BLM: variants seen among roughly 807,000 people sequenced by gnomAD.
BLM encodes the protein BLM RecQ like helicase, also known as recQ-like DNA helicase BLM.
BLM carries 95 observed loss-of-function variants against 135.3 expected under a neutral mutation model. That is an observed-to-expected ratio of 0.70 (90% CI 0.59 to 0.83). The LOEUF is 0.83. Among genes scored for constraint, BLM ranks in the 40% least tolerant of loss-of-function variants. BLM has a pLI of 0.00. For synonymous variants in BLM, 520 were observed against 589.2 expected, an observed-to-expected ratio of 0.88 and a Z score of 1.70; for missense variants, 1,518 against 1,663.9, an observed-to-expected ratio of 0.91 and a Z score of 1.53.
intron 3 of BLM, 89 bp from the exon 4 acceptor site, chr15:90,751,698 A>G (rs1258389704): frequency 1.8e-6 from 2 of 1,128,784 alleles, no homozygotes; most frequent in Middle Eastern, 2.1e-4. Context: ...GTGACTTGCC[A>G]GAAGCACTCA....
rs1895145269 is a variant in BLM at position 90,734,340 on chromosome 15, T to C, written c.-4-13049T>C. 2.6e-5 allele frequency among the ~76,000 whole-genome samples: 4 copies of C among 151,876 alleles called. No homozygotes were observed. The South Asian group carries it at 8.3e-4, about 32-fold the overall frequency. ...TCTCACCCTGTCGCCCAGGCTGAAG[T>C]ACAGTAGCATGACCTCAGCTCACTG... On this transcript the variant is annotated intron_variant, in intron 1 of 21. Coordinates refer to ENST00000355112, the MANE Select transcript of BLM (RefSeq NM_000057.4).
intron 16 of BLM, among the ~76,000 whole-genome samples, chr15:90,794,970 C>T (rs1370287661): frequency 6.6e-6 from 1 of 151,922 alleles, no homozygotes; most frequent in Admixed American, 6.6e-5. Flanking sequence ...TTGTTAAATT[C>T]AGTCATTAGG....
intron 14 of BLM, among the ~76,000 whole-genome samples, chr15:90,788,444 T>C (rs1382786631): frequency 6.6e-6 from 1 of 150,898 alleles, no homozygotes; most frequent in Non-Finnish European, 1.5e-5. Context: ...AATTAGTTTA[T>C]ATATTTAACC....
intron 15 of BLM, chr15:90,793,854 C>G (rs1475697197): frequency 5.5e-6 from 1 of 181,842 alleles, no homozygotes; most frequent in Non-Finnish European, 1.1e-5. Flanking sequence ...ATCTCAGGCT[C>G]TGCTTCCTCA....
chr15:90,748,259 C>T (rs1303895585), intron 2 of BLM, among the ~76,000 whole-genome samples: 1 of 151,970 alleles, frequency 6.6e-6, no homozygotes, highest in Non-Finnish European at 1.5e-5. Context: ...CAGGCATGCA[C>T]CACCATGCCT....
chr15:90,755,517 T>A (rs1895794537), intron 5 of BLM, among the ~76,000 whole-genome samples: 1 of 152,200 alleles, frequency 6.6e-6, no homozygotes, highest in African/African-American at 2.4e-5. Flanking sequence ...ATATCTAGTG[T>A]AAATAATCAG....
intron 20 of BLM, 75 bp from the exon 21 acceptor site, chr15:90,811,128 CGT>C: frequency 4.7e-6 from 7 of 1,483,084 alleles, no homozygotes; most frequent in Middle Eastern, 2.4e-4. Context: ...GCCCCTGCAG[CGT>C]GTCTCTTCAT....
chr15:90,730,883 T>C (rs1261962168), intron 1 of BLM, among the ~76,000 whole-genome samples: 4 of 152,190 alleles, frequency 2.6e-5, no homozygotes. Context: ...GATTTTTAAA[T>C]GTTGAACCAC....
At chr15:90,783,729 A>G (rs1449719747) in intron 13 of BLM, among the ~76,000 whole-genome samples, 1 of 152,170 alleles carries the variant, frequency 6.6e-6, no homozygotes, top group Non-Finnish European at 1.5e-5. Flanking sequence ...GTGAAACCCC[A>G]TCTCTACAAA....
intron 1 of BLM, among the ~76,000 whole-genome samples, chr15:90,742,996 G>A (rs1268336476): frequency 7.2e-6 from 1 of 138,324 alleles, no homozygotes; most frequent in African/African-American, 2.9e-5. Flanking sequence ...CATTTCCTGT[G>A]ACTTTTTTTT....
chr15:90,815,490 G>A lies in BLM; in HGVS notation c.*211G>A, dbSNP rs1897539410. On this transcript the variant is annotated 3_prime_UTR_variant, in exon 22 of 22. Transcript: ENST00000355112. This position sits in a 1 kb window ranked among gnomAD's most constrained non-coding sequence, Gnocchi z 4.6. ...TTTTGCTGCCGCTGCAAGTGTTGTGGCCGTTGTTTCTCAGAACGTCTGAGG... is the reference window on the plus strand; with the variant it reads ...TTTTGCTGCCGCTGCAAGTGTTGTGACCGTTGTTTCTCAGAACGTCTGAGG... 2 of 597,742 alleles carry A rather than the reference G, an allele frequency of 3.3e-6. No individual in the cohort carries two copies. The highest frequency in any genetic ancestry group is 5.7e-6 in the Non-Finnish European group (2 of 353,220). The allele number at this position is 597,742 out of a possible 1,614,324, so 37.0% of individuals were successfully genotyped here. A position where few individuals can be genotyped will look rare whatever the true frequency, so the allele number is the denominator to read the frequency against.
intron 2 of BLM, chr15:90,747,781 T>G: frequency 2.9e-6 from 1 of 350,498 alleles, no homozygotes; most frequent in South Asian, 3.1e-5. Flanking sequence ...TTTTAAGTTT[T>G]GGGGGGTTTT....
intron 1 of BLM, among the ~76,000 whole-genome samples, chr15:90,722,118 CTT>C (rs963058132): frequency 6.6e-6 from 1 of 150,530 alleles, no homozygotes; most frequent in Non-Finnish European, 1.5e-5. Flanking sequence ...AACCCCATCT[CTT>C]TTTTTTTGAG....
chr15:90,768,921 T>TA (rs1896215217), intron 10 of BLM, among the ~76,000 whole-genome samples: 1 of 152,202 alleles, frequency 6.6e-6, no homozygotes, highest in Non-Finnish European at 1.5e-5. Flanking sequence ...AGGTGGGGTT[T>TA]CACCATGTTG....
chr15:90,770,166 A>ACCC (rs1896266716), intron 12 of BLM, among the ~76,000 whole-genome samples: 1 of 135,818 alleles, frequency 7.4e-6, no homozygotes, highest in African/African-American at 3.1e-5. Context: ...TATAAAAGAA[A>ACCC]TCCCCCCCCC....
At position 90,815,405 on chromosome 15, in the gene BLM, A is replaced by G; in HGVS notation, c.*126A>G. ...TACTCGTCTCTATTAATATTTAAAT[A>G]AATGCTGGGGGGTGATAGTTCTTCT... On this transcript the variant is annotated 3_prime_UTR_variant, in exon 22 of 22. Coordinates refer to ENST00000355112, the MANE Select transcript of BLM (RefSeq NM_000057.4). The surrounding 1 kb of genome is among the most constrained non-coding windows in gnomAD (Gnocchi z 4.6). 9.7e-7 allele frequency: 1 copy of G among 1,032,788 alleles called. No individual in the cohort carries two copies. The highest frequency in any genetic ancestry group is 1.4e-6 in the Non-Finnish European group (1 of 693,906). The allele number at this position is 1,032,788 out of a possible 1,614,324, so 64.0% of individuals were successfully genotyped here. A position where few individuals can be genotyped will look rare whatever the true frequency, so the allele number is the denominator to read the frequency against.
At chr15:90,728,753 A>G (rs1440365062) in intron 1 of BLM, among the ~76,000 whole-genome samples, 1 of 152,036 alleles carries the variant, frequency 6.6e-6, no homozygotes, top group African/African-American at 2.4e-5. Flanking sequence ...CTGACATTTT[A>G]TTTTTTGTTT....
chr15:90,780,978 C>A (rs1036173079), intron 12 of BLM, among the ~76,000 whole-genome samples: 1 of 152,182 alleles, frequency 6.6e-6, no homozygotes, highest in South Asian at 2.1e-4. Context: ...TAGAACCAAT[C>A]CCCCATGGGA....
At chr15:90,732,833 T>C (rs59804754) in intron 1 of BLM, among the ~76,000 whole-genome samples, 15,887 of 152,254 alleles carry the variant, frequency 0.1, 2,414 homozygotes, top group African/African-American at 0.33. Context: ...CAGTGGCTCA[T>C]GCCAGTAATC....
Sources: allele counts gnomAD v4.1 joint callset (sites outside exome capture counted in the v4.1 genomes callset), GRCh38; gene constraint gnomAD v4.1.1; non-coding constraint Gnocchi (gnomAD v3.1); transcripts MANE v1.5; gene names NCBI Gene and HGNC (gene_info 2026-07-23, HGNC 2026-07-21).